HTT: variants seen among roughly 807,000 people sequenced by gnomAD.
HTT encodes huntingtin.
Under a neutral mutation model 362.3 loss-of-function variants are expected in HTT, and 104 were observed. That is an observed-to-expected ratio of 0.29 (90% confidence interval 0.24 to 0.34). The LOEUF (loss-of-function observed/expected upper bound fraction) is 0.34. Among genes scored for constraint, HTT ranks in the 10% least tolerant of loss-of-function variants. The probability of loss-of-function intolerance (pLI) is 1.00; values close to 1 mark genes in which losing one functional copy is unlikely to be tolerated. For missense variants in HTT, 3,301 were observed against 3,928.6 expected, an observed-to-expected ratio of 0.84 and a Z score of 4.27; for synonymous variants, 1,577 against 1,548.7, an observed-to-expected ratio of 1.02 and a Z score of -0.43.
chr4:3,074,965 CGCCTCCTCA>C lies in HTT; in HGVS notation c.143_151del (p.Pro48_Gln50del). The stretch of plus-strand genomic sequence containing the variant: ...CCGCCACCGCCGCCGCCGCCGCCGC[CGCCTCCTCA>C]GCTTCCTCAGCCGCCGCCGCAGGCA... On this transcript the variant is annotated inframe_deletion, in exon 1 of 67. Coordinates refer to ENST00000355072, the MANE Select transcript of HTT (RefSeq NM_001388492.1). 6.7e-7 allele frequency: 1 copy of C among 1,484,808 alleles called. No homozygotes were observed. The highest frequency in any genetic ancestry group is 8.9e-7 in the Non-Finnish European group (1 of 1,120,342). 92.0% of individuals were successfully genotyped at this position (1,484,808 alleles called of 1,614,324 possible).
rs529572520 is a variant in HTT at position 3,117,913 on chromosome 4, TA to T, written c.1068+1651del. ...AATATTAAACATTTCCTACATCAAA[TA>T]CCCACCAACTCATTATCAATTTTTC... On this transcript the variant is annotated intron_variant, in intron 8 of 66. Transcript: ENST00000355072. Among the ~76,000 whole-genome samples the T allele has an allele frequency of 8.3e-4, 126 of 152,316 alleles. 1 individual carries two copies. The highest frequency in any genetic ancestry group is 1.3e-3 in the Non-Finnish European group (91 of 68,014).
In HTT at chr4:3,228,955, G is replaced by C; in HGVS notation, c.8055G>C (p.Pro2685=). 1 of 1,613,596 alleles carries C rather than the reference G, an allele frequency of 6.2e-7. No homozygotes were observed. Among genetic ancestry groups the C allele is most frequent in the Non-Finnish European group, 8.5e-7 (1 of 1,179,704 alleles). Residue 2685 remains proline (P), a synonymous_variant, in exon 59 of 67, where the codon CCG becomes CCC. Transcript: ENST00000355072. This position sits in a 1 kb window ranked among gnomAD's most constrained non-coding sequence, Gnocchi z 4.3. ...AGTTGTACAGCCGCTGGATCCTGCC[G>C]TCCAGCTCAGCCAGGAGGACCCCGG... ...LLELYSRWIL[P]SSSARRTPAI...
At position 3,099,370 on chromosome 4, in the gene HTT, C is replaced by T. The variant is rs756039631; in HGVS notation, c.444C>T (p.Asp148=). 5.7e-5 allele frequency: 92 copies of T among 1,613,394 alleles called. 1 individual carries two copies. In the East Asian group the frequency reaches 1.4e-3, roughly 24 times the overall value. ...AGTCAGATGTCAGGATGGTGGCTGA[C>T]GAATGCCTCAACAAAGTTATCAAAG... The part of the protein sequence containing the change: ...DAESDVRMVA[D]ECLNKVIKAL... Residue 148 remains aspartate, a synonymous_variant, in exon 3 of 67, where the codon GAC becomes GAT. Coordinates refer to ENST00000355072, the MANE Select transcript of HTT (RefSeq NM_001388492.1).
chr4:3,105,309 G>A (rs781567583), intron 4 of HTT, 48 bp from the exon 5 acceptor site: 1 of 1,223,674 alleles, frequency 8.2e-7, no homozygotes, highest in Admixed American at 1.7e-5. Flanking sequence ...CAACCCTCTT[G>A]GTGACTAGTA....
intron 28 of HTT, among the ~76,000 whole-genome samples, chr4:3,158,803 A>G (rs1717296558): frequency 6.6e-6 from 1 of 152,118 alleles, no homozygotes; most frequent in African/African-American, 2.4e-5. Flanking sequence ...AGAAGACGGC[A>G]TGTTGAAAAA....
chr4:3,147,018 G>A (rs1716636210), intron 25 of HTT, 70 bp downstream of exon 25: 2 of 1,457,428 alleles, frequency 1.4e-6, no homozygotes, highest in Non-Finnish European at 1.9e-6. Flanking sequence ...AATGGGGGTG[G>A]TGAGCATATG....
chr4:3,216,173 T>G (rs139062065), intron 51 of HTT, among the ~76,000 whole-genome samples: 76 of 152,346 alleles, frequency 5.0e-4, no homozygotes, highest in African/African-American at 1.8e-3. Flanking sequence ...TGCATAGTAC[T>G]TTTCTCTTCT....
chr4:3,113,777 G>A (rs1043065506), intron 6 of HTT, among the ~76,000 whole-genome samples: 14 of 152,102 alleles, frequency 9.2e-5, no homozygotes, highest in East Asian at 1.9e-4. Context: ...GGGTGGGGTA[G>A]TCCTGTGGCT....
At chr4:3,210,077 G>T (rs151178246) in intron 47 of HTT, 128 bp downstream of exon 47, 3 of 1,197,126 alleles carry the variant, frequency 2.5e-6, no homozygotes, top group Non-Finnish European at 2.4e-6. Flanking sequence ...GGGCAGGGAC[G>T]GGATGTCGGA....
chr4:3,113,095 A>G (rs980283669), intron 6 of HTT: 1 of 769,294 alleles, frequency 1.3e-6, no homozygotes, highest in African/African-American at 1.9e-5. Flanking sequence ...TCTATTCTAA[A>G]ATACAGTATG....
At chr4:3,081,264 G>A (rs550989896) in intron 1 of HTT, among the ~76,000 whole-genome samples, 10 of 152,324 alleles carry the variant, frequency 6.6e-5, no homozygotes, top group African/African-American at 2.2e-4. Context: ...TTCGGGCTGT[G>A]TGGGCACAGT....
At chr4:3,084,416 T>C (rs1423089589) in intron 1 of HTT, among the ~76,000 whole-genome samples, 2 of 151,932 alleles carry the variant, frequency 1.3e-5, no homozygotes, top group Non-Finnish European at 2.9e-5. Context: ...AGGTCGGACG[T>C]GGTGGCTCAT....
At chr4:3,084,415 G>A (rs532334890) in intron 1 of HTT, among the ~76,000 whole-genome samples, 15 of 152,178 alleles carry the variant, frequency 9.9e-5, no homozygotes, top group Admixed American at 2.6e-4. Flanking sequence ...CAGGTCGGAC[G>A]TGGTGGCTCA....
intron 22 of HTT, 32 bp from the exon 23 acceptor site, chr4:3,142,734 T>G (rs1209671905): frequency 8.8e-7 from 1 of 1,136,948 alleles, no homozygotes; most frequent in Non-Finnish European, 1.3e-6. Flanking sequence ...GTTTTAATAG[T>G]GTATTTTAAG....
In HTT at chr4:3,199,830, C is replaced by G. The variant is rs779984163; in HGVS notation, c.5467C>G (p.Arg1823Gly). 66 of 1,614,066 alleles carry G rather than the reference C, an allele frequency of 4.1e-5. No homozygotes were observed. Among genetic ancestry groups the G allele is most frequent in the Non-Finnish European group, 5.3e-5 (63 of 1,180,034 alleles). ...CCTGGACAGCTTGAACTTGCGGGCT[C>G]GTTCCATGATCACCACCCACCCGGC... ...YTLDSLNLRA[R>G]SMITTHPALV... The change falls in exon 41 of 67, where the codon CGT (arginine) becomes GGT (glycine). Residue 1823 changes from arginine (R) to glycine (G), a missense_variant. By Grantham distance (125) the Arg-to-Gly change is moderately radical. Around this residue, in one of 4 missense-constraint regions of HTT, gnomAD observed 2,316 missense variants for 2,658.5 expected, o/e 0.87. Transcript: ENST00000355072.
intron 29 of HTT, among the ~76,000 whole-genome samples, chr4:3,164,161 T>C (rs536137760): frequency 6.6e-6 from 1 of 152,242 alleles, no homozygotes; most frequent in Non-Finnish European, 1.5e-5. Context: ...AAATTTTTAT[T>C]TCTGCCTTCA....
chr4:3,225,673 G>C lies in HTT; in HGVS notation c.7778G>C (p.Ser2593Thr). ...LSPATTGALI[S>T]HEKLLLQINP... is the part of the protein sequence containing the mutation. ...CTGGTGTTCACAGGTGCCCTCATCA[G>C]CCACGAGAAGCTGCTGCTACAGATC... Residue 2593 changes from serine (S) to threonine (T), a missense_variant, in exon 57 of 67, where the codon AGC becomes ACC. By Grantham distance (58) the Ser-to-Thr change is moderately conservative. This residue lies in a region of HTT where 753 missense variants were observed against 1,021.3 expected (regional missense o/e 0.74). Transcript: ENST00000355072. The C allele has an allele frequency of 6.2e-7, 1 of 1,614,068 alleles. No individual in the cohort carries two copies. The highest frequency in any genetic ancestry group is 8.5e-7 in the Non-Finnish European group (1 of 1,179,972).
At chr4:3,170,541 G>A (rs1324437129) in intron 29 of HTT, among the ~76,000 whole-genome samples, 1 of 152,160 alleles carries the variant, frequency 6.6e-6, no homozygotes, top group East Asian at 1.9e-4. Flanking sequence ...GTACTCGAGA[G>A]GGACCTTCCC....
Position 3,232,423 on chromosome 4 carries a change from A to C in HTT, c.8266-740A>C, listed in dbSNP as rs181175747. On this transcript the variant is annotated intron_variant, in intron 60 of 66. Coordinates refer to ENST00000355072, the MANE Select transcript of HTT (RefSeq NM_001388492.1). ...GGTGACATTCCTTGCTGACTTCTGC[A>C]GGGGTCTCCTCACTGTTAAAGAGCA... Among the ~76,000 whole-genome samples, 52 of 152,328 alleles carry C rather than the reference A, an allele frequency of 3.4e-4. No homozygotes were observed. In the East Asian group the frequency reaches 9.6e-3, roughly 28 times the overall value.
Sources: allele counts gnomAD v4.1 joint callset (sites outside exome capture counted in the v4.1 genomes callset), GRCh38; gene constraint gnomAD v4.1.1; regional missense constraint gnomAD v4.1.1; non-coding constraint Gnocchi (gnomAD v3.1); transcripts MANE v1.5; gene names NCBI Gene and HGNC (gene_info 2026-07-23, HGNC 2026-07-21).